Variants in SMG9 observed in about 807,000 individuals in gnomAD.
SMG9 encodes the protein nonsense-mediated mRNA decay factor SMG9.
Under a neutral mutation model 64.0 loss-of-function variants are expected in SMG9, and 55 were observed. That is an observed-to-expected ratio of 0.86 (90% CI 0.69 to 1.08). The LOEUF (loss-of-function observed/expected upper bound fraction) is 1.08, where lower values mean the gene tolerates loss of function less well. Ranked by LOEUF, SMG9 falls within the 50% of genes least tolerant of loss-of-function variation. The pLI is 0.00. For synonymous variants in SMG9, 244 were observed against 254.8 expected (o/e 0.96, Z 0.41); for missense variants, 554 against 681.3 (o/e 0.81, Z 2.08).
At position 43,732,849 on chromosome 19, in the gene SMG9, A is replaced by G; in HGVS notation, c.1484+9T>C. On this transcript the variant is annotated intron_variant, in intron 13 of 13. Coordinates refer to ENST00000270066, the MANE Select transcript of SMG9 (RefSeq NM_019108.4). ...CCTCAAATTGACCCCCTCTGCAAAG[A>G]GCTCTTACCAGTTCTTCTCGGTGAG... 2 of 1,612,944 alleles carry G rather than the reference A, an allele frequency of 1.2e-6. No individual in the cohort carries two copies. The highest frequency in any genetic ancestry group is 1.7e-6 in the Non-Finnish European group (2 of 1,179,796).
intron 5 of SMG9, among the ~76,000 whole-genome samples, chr19:43,745,667 G>A (rs1048863658): frequency 1.8e-4 from 27 of 152,302 alleles, no homozygotes; most frequent in South Asian, 2.1e-4. Context: ...AGGAGTTCAA[G>A]ACCAGCCTGG....
intron 9 of SMG9, among the ~76,000 whole-genome samples, chr19:43,735,607 T>G (rs1423536573): frequency 1.6e-5 from 2 of 121,232 alleles, no homozygotes; most frequent in African/African-American, 7.1e-5. Flanking sequence ...AGAGTGAGAC[T>G]CTGTCTCAAA....
intron 10 of SMG9, 46 bp from the exon 11 acceptor site, chr19:43,733,779 C>T (rs1199319054): frequency 7.0e-7 from 1 of 1,436,080 alleles, no homozygotes; most frequent in Admixed American, 1.7e-5. Context: ...CATCGCTTGG[C>T]TTCATGGACT....
In SMG9 at chr19:43,740,186, A is replaced by C. The variant is rs1968804874; in HGVS notation, c.734T>G (p.Met245Arg). Residue 245 changes from methionine to arginine, a missense_variant, in exon 7 of 14, where the codon ATG becomes AGG. Transcript: ENST00000270066. ...TYVFRAQSAE[M>R]KERGGNQTSG... is the part of the protein sequence containing the mutation. ...GGTCTGGTTGCCCCCTCGTTCCTTC[A>C]TTTCAGCGCTCTGGGCCCGGAAAAC... 1 of 1,613,882 alleles carries C rather than the reference A, an allele frequency of 6.2e-7. No homozygotes were observed. Among genetic ancestry groups the C allele is most frequent in the African/African-American group, 1.3e-5 (1 of 74,866 alleles).
chr19:43,738,145 G>A lies in SMG9; in HGVS notation c.886C>T (p.Pro296Ser). The change falls in exon 8 of 14, where the codon CCC becomes TCC. Residue 296 changes from proline to serine, a missense_variant. By Grantham distance (74) the Pro-to-Ser change is moderately conservative. Transcript: ENST00000270066. ...DRKLPPEYNLPHTYVEMQSLQ... is the reference protein window; with the variant it reads ...DRKLPPEYNLSHTYVEMQSLQ... ...ACCTGCATTTCAACGTAAGTGTGGG[G>A]AAGGTTGTACTCTGGAGGCAGTTTG... 6.2e-7 allele frequency: 1 copy of A among 1,614,136 alleles called. No individual in the cohort carries two copies. The highest frequency in any genetic ancestry group is 1.3e-5 in the African/African-American group (1 of 75,042).
At chr19:43,737,718 TC>T in intron 8 of SMG9, 36 bp from the exon 9 acceptor site, 1 of 1,602,332 alleles carries the variant, frequency 6.2e-7, no homozygotes, top group South Asian at 1.1e-5. Context: ...GGTGAGGACC[TC>T]TTCTGCCCAG....
chr19:43,746,831 T>C (rs939877778), intron 5 of SMG9, among the ~76,000 whole-genome samples: 20 of 151,620 alleles, frequency 1.3e-4, no homozygotes, highest in Non-Finnish European at 2.4e-4. Flanking sequence ...TTTTTTTTTT[T>C]TTTTTACTGA....
At chr19:43,740,019 C>CCA in intron 7 of SMG9, 88 bp downstream of exon 7, 1 of 948,566 alleles carries the variant, frequency 1.1e-6, no homozygotes, top group Non-Finnish European at 1.7e-6. Context: ...CACATGGAAT[C>CCA]CACGCAGGGT....
chr19:43,751,545 T>C (rs192929443), intron 1 of SMG9, among the ~76,000 whole-genome samples: 1 of 152,370 alleles, frequency 6.6e-6, no homozygotes, highest in Non-Finnish European at 1.5e-5. Flanking sequence ...AGTTCTGAGC[T>C]AGGTACATGG....
At position 43,747,668 on chromosome 19, in the gene SMG9, C is replaced by T; in HGVS notation, c.455G>A (p.Arg152Gln). Residue 152 changes from arginine to glutamine, a missense_variant, in exon 4 of 14, where the codon CGG becomes CAG. Coordinates refer to ENST00000270066, the MANE Select transcript of SMG9 (RefSeq NM_019108.4). ...PTQPVYQIQN[R>Q]GMGTAAPAAM... ...TGCTGGTGCGGCAGTGCCCATGCCCCGGTTCTGGATCTGGTACACAGGCTG... is the reference window on the plus strand; with the variant it reads ...TGCTGGTGCGGCAGTGCCCATGCCCTGGTTCTGGATCTGGTACACAGGCTG... 3 of 1,612,476 alleles carry T rather than the reference C, an allele frequency of 1.9e-6. No homozygotes were observed. The highest frequency in any genetic ancestry group is 2.5e-6 in the Non-Finnish European group (3 of 1,179,332).
chr19:43,747,876 T>C lies in SMG9; in HGVS notation c.247A>G (p.Thr83Ala), dbSNP rs900956500. 1.1e-5 allele frequency: 18 copies of C among 1,610,824 alleles called. No individual in the cohort carries two copies. Among genetic ancestry groups the C allele is most frequent in the Non-Finnish European group, 1.5e-5 (18 of 1,178,280 alleles). The change falls in exon 4 of 14, where the codon ACA becomes GCA. Residue 83 changes from threonine (T) to alanine (A), a missense_variant. Transcript: ENST00000270066. ...GGAGCAGGCGGGGCAGCAGGGGCTG[T>C]TGGAGGTGGTGGCTGTTTTGACTAC... ...AERSKQPPPP[T>A]APAAPPAPAP...
At chr19:43,732,817 T>G (rs1482339174) in intron 13 of SMG9, 41 bp downstream of exon 13, 4 of 1,612,262 alleles carry the variant, frequency 2.5e-6, no homozygotes, top group Non-Finnish European at 3.4e-6. Flanking sequence ...TACACCAGGG[T>G]GGGGTGCCTC....
chr19:43,747,769 G>C lies in SMG9; in HGVS notation c.354C>G (p.Thr118=), dbSNP rs200569408. 1.9e-4 allele frequency: 310 copies of C among 1,608,742 alleles called. No homozygotes were observed. The East Asian group carries it at 6.5e-3, about 34-fold the overall frequency. Residue 118 remains threonine (T), a synonymous_variant, in exon 4 of 14, where the codon ACC becomes ACG. Coordinates refer to ENST00000270066, the MANE Select transcript of SMG9 (RefSeq NM_019108.4). ...GGGGTGGTGGGGCGGTGCCCTCAGGGGTAGAGGCACCTGTCACGGCCACAG... is the reference window on the plus strand; with the variant it reads ...GGGGTGGTGGGGCGGTGCCCTCAGGCGTAGAGGCACCTGTCACGGCCACAG... ...KGPVAVTGAS[T]PEGTAPPPPA... is the part of the protein sequence containing the mutation.
intron 4 of SMG9, 34 bp from the exon 5 acceptor site, chr19:43,747,573 C>A (rs1969056124): frequency 6.2e-7 from 1 of 1,614,044 alleles, no homozygotes; most frequent in Non-Finnish European, 8.5e-7. Flanking sequence ...ACAGAGGATG[C>A]AGTGAGGATC....
chr19:43,731,797 G>T (rs1269135864), intron 13 of SMG9, 123 bp from the exon 14 acceptor site: 14 of 1,177,838 alleles, frequency 1.2e-5, no homozygotes, highest in Non-Finnish European at 1.6e-5. Flanking sequence ...GAGCCTCTTG[G>T]AACCCAATCT....
At chr19:43,750,773 G>C in intron 1 of SMG9, 26 bp from the exon 2 acceptor site, 5 of 1,585,756 alleles carry the variant, frequency 3.2e-6, no homozygotes, top group Non-Finnish European at 4.3e-6. Flanking sequence ...GGGGATTTCA[G>C]GATGACAGAG....
intron 6 of SMG9, among the ~76,000 whole-genome samples, chr19:43,741,885 T>C (rs1968855840): frequency 6.6e-6 from 1 of 152,170 alleles, no homozygotes; most frequent in Admixed American, 6.5e-5. Flanking sequence ...TGGTCGCTCA[T>C]GCCTGTAATC....
At chr19:43,746,502 T>TC (rs1470571759) in intron 5 of SMG9, among the ~76,000 whole-genome samples, 1 of 152,122 alleles carries the variant, frequency 6.6e-6, no homozygotes, top group African/African-American at 2.4e-5. Flanking sequence ...TTTTTAAAGC[T>TC]CCCCAGTTAA....
intron 9 of SMG9, among the ~76,000 whole-genome samples, chr19:43,735,141 T>C (rs952400129): frequency 6.6e-6 from 1 of 152,236 alleles, no homozygotes; most frequent in Non-Finnish European, 1.5e-5. Flanking sequence ...CATTTTCAGA[T>C]TGGCTTCACT....
Sources: gnomAD v4.1 joint callset for allele counts (sites outside exome capture counted in the v4.1 genomes callset) on GRCh38, gnomAD v4.1.1 for gene constraint, MANE v1.5 for transcripts, NCBI Gene and HGNC (gene_info 2026-07-23, HGNC 2026-07-21) for gene names.